Variants in ZNF131 observed in about 807,000 individuals in gnomAD.
ZNF131 encodes the protein zinc finger protein 131.
A neutral mutation model predicts 60.0 loss-of-function variants in ZNF131; 7 were observed. The observed-to-expected ratio is 0.12, with a 90% confidence interval of 0.07 to 0.22. The LOEUF is 0.22. Ranked by LOEUF, ZNF131 falls within the 10% of genes least tolerant of loss-of-function variation. ZNF131 has a pLI of 1.00. For missense variants in ZNF131, 493 were observed against 740.9 expected (o/e 0.67, Z 3.88); for synonymous variants, 257 against 253.2 (o/e 1.01, Z -0.14).
intron 5 of ZNF131, among the ~76,000 whole-genome samples, chr5:43,163,485 C>T (rs73751045): frequency 0.061 from 9,343 of 152,248 alleles, 568 homozygotes; most frequent in African/African-American, 0.16. Context: ...TACCTCAGGG[C>T]CTCGCCCCAC....
chr5:43,139,654 G>T (rs557898247), intron 4 of ZNF131, among the ~76,000 whole-genome samples: 5 of 152,230 alleles, frequency 3.3e-5, no homozygotes, highest in Admixed American at 6.5e-5. Flanking sequence ...GGCTTACAAA[G>T]ATTAACATAA....
chr5:43,172,605 G>C (rs1751132990), intron 5 of ZNF131, among the ~76,000 whole-genome samples: 1 of 144,946 alleles, frequency 6.9e-6, no homozygotes, highest in South Asian at 2.2e-4. Context: ...CTAGGTGACA[G>C]AGTAAGACTC....
chr5:43,133,979 T>A (rs1006334789), intron 3 of ZNF131, among the ~76,000 whole-genome samples: 13 of 152,140 alleles, frequency 8.5e-5, no homozygotes, highest in African/African-American at 3.1e-4. Flanking sequence ...CCAGTCCTTC[T>A]CATAGCCTTC....
intron 3 of ZNF131, among the ~76,000 whole-genome samples, chr5:43,138,391 C>A (rs1400225904): frequency 2.0e-5 from 3 of 152,106 alleles, no homozygotes; most frequent in Non-Finnish European, 2.9e-5. Flanking sequence ...CGGTGGCTCA[C>A]GCCTGTAATC....
chr5:43,142,651 CCTCCCCACCCCCATT>C (rs200402913), intron 4 of ZNF131, among the ~76,000 whole-genome samples: 5,076 of 144,534 alleles, frequency 0.035, 106 homozygotes, highest in Middle Eastern at 0.1. Flanking sequence ...CCACCCCCTA[CCTCCCCACCCCCATT>C]CTGTCTCTCA....
intron 4 of ZNF131, among the ~76,000 whole-genome samples, chr5:43,151,244 A>T (rs1017909521): frequency 6.6e-6 from 1 of 152,190 alleles, no homozygotes; most frequent in African/African-American, 2.4e-5. Context: ...GATTACTCCT[A>T]TTAGGGAAAA....
chr5:43,162,948 TAC>T (rs1561439639), intron 5 of ZNF131, among the ~76,000 whole-genome samples: 7,992 of 122,664 alleles, frequency 0.065, 535 homozygotes, highest in Non-Finnish European at 0.1. Context: ...GACATGTTTA[TAC>T]TTCTTTTCTT....
intron 3 of ZNF131, among the ~76,000 whole-genome samples, chr5:43,132,839 G>T (rs1318370440): frequency 6.6e-6 from 1 of 152,100 alleles, no homozygotes; most frequent in Non-Finnish European, 1.5e-5. Context: ...ACAAATAGAG[G>T]ATACTGCTTT....
Position 43,176,118 on chromosome 5 carries a change from T to G in ZNF131, c.*985T>G, listed in dbSNP as rs968065106. 4.6e-5 allele frequency: 7 copies of G among 152,250 alleles called. No individual in the cohort carries two copies. Among genetic ancestry groups the G allele is most frequent in the African/African-American group, 1.7e-4 (7 of 41,460 alleles). 9.4% of individuals were successfully genotyped at this position (152,250 alleles called of 1,614,324 possible). ...TGAATGGAATCTTTTCCCCCAATTC[T>G]TAATGTAAAGATCTTGTGCTATAAC... On this transcript the variant is annotated 3_prime_UTR_variant, in exon 7 of 7. Transcript: ENST00000682664.
intron 3 of ZNF131, among the ~76,000 whole-genome samples, chr5:43,137,345 C>T (rs562182810): frequency 3.3e-5 from 5 of 152,034 alleles, no homozygotes; most frequent in African/African-American, 1.2e-4. Context: ...TGAGAAACTC[C>T]CACAACTGAT....
chr5:43,166,364 C>T (rs1000092881), intron 5 of ZNF131, among the ~76,000 whole-genome samples: 111 of 131,304 alleles, frequency 8.5e-4, no homozygotes, highest in African/African-American at 2.5e-3. Context: ...ACAAGTGACT[C>T]TTTTTTTTTT....
intron 5 of ZNF131, among the ~76,000 whole-genome samples, chr5:43,172,629 A>C (rs953366271): frequency 7.2e-5 from 11 of 152,146 alleles, no homozygotes; most frequent in South Asian, 6.2e-4. Flanking sequence ...AAAAAAAAAA[A>C]AAACCCTAAT....
intron 4 of ZNF131, among the ~76,000 whole-genome samples, chr5:43,159,349 C>G (rs188759174): frequency 6.6e-6 from 1 of 152,102 alleles, no homozygotes; most frequent in African/African-American, 2.4e-5. Flanking sequence ...CAACAGGTGT[C>G]GTCTTTTACT....
At chr5:43,159,062 C>T (rs1418619588) in intron 4 of ZNF131, among the ~76,000 whole-genome samples, 1 of 152,176 alleles carries the variant, frequency 6.6e-6, no homozygotes, top group Admixed American at 6.5e-5. Flanking sequence ...CCCTTCCCCT[C>T]AAGTCCCACA....
At position 43,174,989 on chromosome 5, in the gene ZNF131, G is replaced by C. The variant is rs1352447745; in HGVS notation, c.1728G>C (p.Glu576Asp). The change falls in exon 7 of 7, where the codon GAG becomes GAC. Residue 576 changes from glutamate to aspartate, a missense_variant. Coordinates refer to ENST00000682664, the MANE Select transcript of ZNF131 (RefSeq NM_001330707.2). ...CCCCAGAAATCATGAACCAAGAGGA[G>C]AGAGAGTCTAGCCAAGCAGATGCTG... Reference protein sequence around the residue: ...HVTPEIMNQEERESSQADAAE... With the variant: ...HVTPEIMNQEDRESSQADAAE... 4 of 1,614,148 alleles carry C rather than the reference G, an allele frequency of 2.5e-6. No homozygotes were observed. Among genetic ancestry groups the C allele is most frequent in the Non-Finnish European group, 2.5e-6 (3 of 1,180,028 alleles).
At chr5:43,136,862 A>G (rs527561787) in intron 3 of ZNF131, among the ~76,000 whole-genome samples, 65 of 152,048 alleles carry the variant, frequency 4.3e-4, no homozygotes, top group Non-Finnish European at 7.9e-4. Flanking sequence ...GCTTAAAGAG[A>G]CATACAGACC....
intron 1 of ZNF131, chr5:43,121,794 C>T (rs942652922): frequency 4.0e-5 from 12 of 302,946 alleles, no homozygotes; most frequent in Admixed American, 1.0e-4. Context: ...GCTGTGCCCA[C>T]CCCGCTCTAG....
rs1751458757 is a variant in ZNF131 at position 43,175,294 on chromosome 5, C to G, written c.*161C>G. ...CCGTTGAAACACATTGATTCCCCTC[C>G]CCCTACTTATTGCCACAGAGGAGGG... On this transcript the variant is annotated 3_prime_UTR_variant, in exon 7 of 7. Coordinates refer to ENST00000682664, the MANE Select transcript of ZNF131 (RefSeq NM_001330707.2). 1 of 750,732 alleles carries G rather than the reference C, an allele frequency of 1.3e-6. No homozygotes were observed. Among genetic ancestry groups the G allele is most frequent in the African/African-American group, 1.8e-5 (1 of 56,468 alleles). 46.5% of individuals were successfully genotyped at this position (750,732 alleles called of 1,614,324 possible). A position where few individuals can be genotyped will look rare whatever the true frequency, so the allele number is the denominator to read the frequency against.
chr5:43,121,987 T>C lies in ZNF131; in HGVS notation c.-15-52T>C. The C allele has an allele frequency of 1.9e-6, 3 of 1,576,622 alleles. No homozygotes were observed. In the South Asian group the frequency reaches 3.4e-5, roughly 18 times the overall value. On this transcript the variant is annotated intron_variant, in intron 1 of 6. Coordinates refer to ENST00000682664, the MANE Select transcript of ZNF131 (RefSeq NM_001330707.2). ...TTGTTGTTTTATGCTTTAGGGGTTT[T>C]GTTCCTCGGCTCGAGCTCATGGGTG...
Sources: gnomAD v4.1 joint callset for allele counts (sites outside exome capture counted in the v4.1 genomes callset) on GRCh38, gnomAD v4.1.1 for gene constraint, MANE v1.5 for transcripts, NCBI Gene and HGNC (gene_info 2026-07-23, HGNC 2026-07-21) for gene names.